Variants in SH3PXD2A observed in about 807,000 individuals in gnomAD.
SH3PXD2A encodes the protein SH3 and PX domain-containing protein 2A.
Under a neutral mutation model 115.2 loss-of-function variants are expected in SH3PXD2A, and 32 were observed. That is an observed-to-expected ratio of 0.28 (90% CI 0.21 to 0.37). SH3PXD2A has a LOEUF of 0.37. Among genes scored for constraint, SH3PXD2A ranks in the 10% least tolerant of loss-of-function variants. The pLI is 1.00. For missense variants in SH3PXD2A, 1,328 were observed against 1,498.7 expected (o/e 0.89, Z 1.88); for synonymous variants, 610 against 629.1 (o/e 0.97, Z 0.45).
At chr10:103,662,346 G>GGT (rs1554908113) in intron 7 of SH3PXD2A, among the ~76,000 whole-genome samples, 4 of 91,048 alleles carry the variant, frequency 4.4e-5, no homozygotes, top group African/African-American at 2.3e-4. Flanking sequence ...ATTGGCGGGG[G>GGT]GGGGGGCGGG....
At chr10:103,776,260 C>T (rs952903613) in intron 2 of SH3PXD2A, among the ~76,000 whole-genome samples, 1 of 151,998 alleles carries the variant, frequency 6.6e-6, no homozygotes, top group African/African-American at 2.4e-5. Context: ...GGGTGTGGTG[C>T]TGTGCACCTG....
At chr10:103,693,532 C>T (rs886976824) in intron 5 of SH3PXD2A, 1 of 151,476 alleles carries the variant, frequency 6.6e-6, no homozygotes, top group African/African-American at 2.4e-5. Context: ...GGGAGGTGAA[C>T]CCAGCCTACT....
chr10:103,806,025 C>T (rs1336820728), intron 1 of SH3PXD2A, among the ~76,000 whole-genome samples: 2 of 152,238 alleles, frequency 1.3e-5, no homozygotes, highest in Non-Finnish European at 2.9e-5. Context: ...TAGGATACAG[C>T]CACACTTCCC....
intron 3 of SH3PXD2A, among the ~76,000 whole-genome samples, chr10:103,763,337 C>G (rs866030934): frequency 4.6e-5 from 7 of 152,244 alleles, no homozygotes; most frequent in Non-Finnish European, 2.9e-5. Context: ...AACAGAAATG[C>G]TCAGCACATC....
rs111871090 is a variant in SH3PXD2A at position 103,782,271 on chromosome 10, G to A, written c.154-15102C>T. Among the ~76,000 whole-genome samples, 1,386 of 152,288 alleles carry A rather than the reference G, an allele frequency of 9.1e-3. 27 individuals carry two copies. Among genetic ancestry groups the A allele is most frequent in the African/African-American group, 0.028 (1,164 of 41,562 alleles). On this transcript the variant is annotated intron_variant, in intron 2 of 14. Transcript: ENST00000369774. ...AAAAGCACAATCTCAAACCCCAGGC[G>A]GACCTGCTGAATCAGAATCTTTTAG... is the stretch of plus-strand genomic sequence containing the variant.
At chr10:103,610,210 C>A (rs1217465356) in intron 13 of SH3PXD2A, among the ~76,000 whole-genome samples, 4 of 152,206 alleles carry the variant, frequency 2.6e-5, no homozygotes, top group African/African-American at 9.7e-5. Context: ...CTTTCCTGGC[C>A]CCAGGGCCTG....
chr10:103,669,109 C>T (rs755037631), intron 6 of SH3PXD2A, among the ~76,000 whole-genome samples: 4 of 152,164 alleles, frequency 2.6e-5, no homozygotes, highest in African/African-American at 9.7e-5. Context: ...GTTGGAGCAC[C>T]CAGGACCCAT....
At chr10:103,747,731 G>A (rs868638587) in intron 3 of SH3PXD2A, among the ~76,000 whole-genome samples, 1 of 152,186 alleles carries the variant, frequency 6.6e-6, no homozygotes, top group Non-Finnish European at 1.5e-5. Flanking sequence ...CCACAGGCCT[G>A]GCCAGGCCAG....
At chr10:103,736,209 C>T (rs958831613) in intron 3 of SH3PXD2A, among the ~76,000 whole-genome samples, 3 of 152,266 alleles carry the variant, frequency 2.0e-5, no homozygotes, top group Non-Finnish European at 4.4e-5. Flanking sequence ...CTTGAGAAAT[C>T]GGCATTCGTT....
chr10:103,707,690 G>A (rs1477137722), intron 5 of SH3PXD2A, among the ~76,000 whole-genome samples: 1 of 151,866 alleles, frequency 6.6e-6, no homozygotes, highest in Non-Finnish European at 1.5e-5. Context: ...AATCCTTGTA[G>A]CCACCCACCA....
intron 1 of SH3PXD2A, among the ~76,000 whole-genome samples, chr10:103,849,802 C>T (rs1195924502): frequency 6.6e-6 from 1 of 152,196 alleles, no homozygotes; most frequent in African/African-American, 2.4e-5. Context: ...GAATCTCCAC[C>T]TCATTTCCCA....
intron 8 of SH3PXD2A, among the ~76,000 whole-genome samples, chr10:103,658,334 G>T (rs887704411): frequency 6.6e-6 from 1 of 152,210 alleles, no homozygotes; most frequent in Non-Finnish European, 1.5e-5. Context: ...TGCTGGCTGG[G>T]GCCATTGCCC....
chr10:103,648,415 G>C (rs1312770021), intron 8 of SH3PXD2A, among the ~76,000 whole-genome samples: 1 of 152,198 alleles, frequency 6.6e-6, no homozygotes, highest in African/African-American at 2.4e-5. Flanking sequence ...AGAGTCTAAA[G>C]TAATACTTCT....
At chr10:103,854,458 C>G (rs1842922201) in intron 1 of SH3PXD2A, among the ~76,000 whole-genome samples, 1 of 152,160 alleles carries the variant, frequency 6.6e-6, no homozygotes, top group Admixed American at 6.5e-5. Flanking sequence ...TCAACCTTAA[C>G]CCCTTCTCAT....
chr10:103,601,758 G>T lies in SH3PXD2A; in HGVS notation c.*58C>A. 4 of 932,562 alleles carry T rather than the reference G, an allele frequency of 4.3e-6. No homozygotes were observed. Among genetic ancestry groups the T allele is most frequent in the South Asian group, 3.1e-5 (1 of 32,500 alleles). The allele number at this position is 932,562 out of a possible 1,614,324, so 57.8% of individuals were successfully genotyped here. On this transcript the variant is annotated 3_prime_UTR_variant, in exon 15 of 15. Transcript: ENST00000369774. ...TCCTTTCCCTTTTGTTCGTCTCACC[G>T]CTCATCCAGTGGGCGGCCAGAGAGG... is the stretch of plus-strand genomic sequence containing the variant.
chr10:103,633,727 CAAAAAAAAAAA>C (rs35917262), intron 8 of SH3PXD2A, among the ~76,000 whole-genome samples: 1,530 of 74,392 alleles, frequency 0.021, 37 homozygotes, highest in Middle Eastern at 0.11. Context: ...GATTCTGTCT[CAAAAAAAAAAA>C]AAAAAAAAAA....
At position 103,602,747 on chromosome 10, in the gene SH3PXD2A, G is replaced by T; in HGVS notation, c.2471C>A (p.Thr824Asn). The change falls in exon 15 of 15, where the codon ACC becomes AAC. Residue 824 changes from threonine (T) to asparagine (N), a missense_variant. Thr to Asn is a moderately conservative substitution (Grantham distance 65). Transcript: ENST00000369774. ...GSRRSSSDLI[T>N]LPATTPPCPT... ...ACATGGGGGAGTGGTGGCTGGGAGG[G>T]TGATGAGGTCGGATGAGCTTCTCCT... 1 of 1,614,110 alleles carries T rather than the reference G, an allele frequency of 6.2e-7. No homozygotes were observed. Among genetic ancestry groups the T allele is most frequent in the Non-Finnish European group, 8.5e-7 (1 of 1,179,992 alleles).
At chr10:103,690,103 G>A (rs2037728548) in intron 6 of SH3PXD2A, among the ~76,000 whole-genome samples, 1 of 152,110 alleles carries the variant, frequency 6.6e-6, no homozygotes, top group South Asian at 2.1e-4. Context: ...CCCCATCGGA[G>A]CCTCAGCTTC....
At chr10:103,807,462 T>C (rs1030432199) in intron 1 of SH3PXD2A, among the ~76,000 whole-genome samples, 4 of 152,206 alleles carry the variant, frequency 2.6e-5, no homozygotes, top group African/African-American at 9.6e-5. Context: ...AGAAACTCAA[T>C]GGCAATCTTC....
Sources: allele counts gnomAD v4.1 joint callset (sites outside exome capture counted in the v4.1 genomes callset), GRCh38; gene constraint gnomAD v4.1.1; transcripts MANE v1.5; gene names NCBI Gene and HGNC (gene_info 2026-07-23, HGNC 2026-07-21).